The following KCNIP4 variants were observed in gnomAD, a reference collection of about 807,000 sequenced individuals.
The protein encoded by KCNIP4 is potassium voltage-gated channel interacting protein 4, also known as Kv channel-interacting protein 4.
Under a neutral mutation model 34.0 loss-of-function variants are expected in KCNIP4, and 12 were observed. The ratio of observed to expected loss-of-function variants is 0.35; its 90% CI spans 0.23 to 0.57. The LOEUF (loss-of-function observed/expected upper bound fraction) is 0.57, where lower values mean the gene tolerates loss of function less well. Among genes scored for constraint, KCNIP4 ranks in the 20% least tolerant of loss-of-function variants. KCNIP4 has a pLI of 0.83. For missense variants in KCNIP4, 238 were observed against 311.7 expected (o/e 0.76, Z 1.78); for synonymous variants, 124 against 102.2 (o/e 1.21, Z -1.29).
chr4:21,612,381 G>A (rs1353843377), intron 1 of KCNIP4, among the ~76,000 whole-genome samples: 1 of 152,214 alleles, frequency 6.6e-6, no homozygotes, highest in Non-Finnish European at 1.5e-5. Context: ...GGAGGCTGAG[G>A]CTTGGAAATC....
At chr4:21,437,418 A>G (rs1304003773) in intron 1 of KCNIP4, among the ~76,000 whole-genome samples, 2 of 152,232 alleles carry the variant, frequency 1.3e-5, no homozygotes, top group Non-Finnish European at 2.9e-5. Flanking sequence ...AGGAATTTCA[A>G]AAAGCAAGAC....
chr4:20,974,079 G>A (rs950578265), intron 1 of KCNIP4, among the ~76,000 whole-genome samples: 2 of 152,116 alleles, frequency 1.3e-5, no homozygotes, highest in African/African-American at 4.8e-5. Flanking sequence ...TGCTCAGCAG[G>A]GTTGCCACAA....
rs35316625 is a variant in KCNIP4 at position 20,930,981 on chromosome 4, A to T, written c.62-48272T>A. On this transcript the variant is annotated intron_variant, in intron 1 of 8. Transcript: ENST00000382152. Reference sequence around the variant, plus strand: ...TCCTAAAGAAATTAAAAAATAGACCAGCAATGACCCAACAATACCTTTTTT... The same window carrying T: ...TCCTAAAGAAATTAAAAAATAGACCTGCAATGACCCAACAATACCTTTTTT... Among the ~76,000 whole-genome samples the T allele has an allele frequency of 2.7e-4, 41 of 152,050 alleles. 2 individuals are homozygous for T. In the South Asian group the frequency reaches 8.5e-3, roughly 32 times the overall value.
chr4:21,770,904 T>C (rs1395384128), intron 1 of KCNIP4, among the ~76,000 whole-genome samples: 2 of 152,180 alleles, frequency 1.3e-5, no homozygotes, highest in Non-Finnish European at 2.9e-5. Flanking sequence ...GCCTGTTCCC[T>C]CTGATGATAG....
intron 1 of KCNIP4, among the ~76,000 whole-genome samples, chr4:21,123,384 T>TTTTTTGAA (rs1179158654): frequency 1.3e-5 from 2 of 152,156 alleles, no homozygotes; most frequent in Admixed American, 6.5e-5. Context: ...ATTTCAAAAT[T>TTTTTTGAA]ATCTTTTTCT....
chr4:21,165,636 A>G (rs1252583438), intron 1 of KCNIP4, among the ~76,000 whole-genome samples: 1 of 152,158 alleles, frequency 6.6e-6, no homozygotes, highest in Non-Finnish European at 1.5e-5. Flanking sequence ...GATTAGGCAA[A>G]GGTTTTCTAG....
intron 1 of KCNIP4, among the ~76,000 whole-genome samples, chr4:21,334,918 G>A (rs887676152): frequency 3.3e-5 from 5 of 152,020 alleles, no homozygotes; most frequent in African/African-American, 1.2e-4. Flanking sequence ...ACAGACTCTG[G>A]AGTTGTTTCT....
At chr4:21,680,841 T>C (rs1225054036) in intron 1 of KCNIP4, among the ~76,000 whole-genome samples, 1 of 152,186 alleles carries the variant, frequency 6.6e-6, no homozygotes, top group Non-Finnish European at 1.5e-5. Context: ...CATGATGTCA[T>C]CCAGGTTTGG....
chr4:21,828,053 TACTTC>T (rs1043656485), intron 1 of KCNIP4, among the ~76,000 whole-genome samples: 35 of 149,242 alleles, frequency 2.3e-4, no homozygotes, highest in African/African-American at 8.3e-4. Context: ...AGACCACAAA[TACTTC>T]ACTTCTTAGA....
chr4:21,723,575 G>C (rs2109099111), intron 1 of KCNIP4, among the ~76,000 whole-genome samples: 1 of 152,176 alleles, frequency 6.6e-6, no homozygotes, highest in South Asian at 2.1e-4. Context: ...GGTTAAAAAA[G>C]CACAAAGAAC....
At chr4:21,640,281 T>C (rs1746516432) in intron 1 of KCNIP4, among the ~76,000 whole-genome samples, 2 of 152,194 alleles carry the variant, frequency 1.3e-5, no homozygotes, top group Non-Finnish European at 2.9e-5. Flanking sequence ...CAGGATTCAA[T>C]TACTCCCATT....
intron 1 of KCNIP4, among the ~76,000 whole-genome samples, chr4:21,641,693 T>C (rs1450962632): frequency 1.3e-5 from 2 of 152,150 alleles, no homozygotes; most frequent in Non-Finnish European, 2.9e-5. Flanking sequence ...ATCACATAGA[T>C]AGGATGGCAT....
chr4:21,358,890 T>A (rs1381267575), intron 1 of KCNIP4, among the ~76,000 whole-genome samples: 13 of 152,140 alleles, frequency 8.5e-5, no homozygotes, highest in Admixed American at 8.5e-4. Flanking sequence ...GTCCTACCTT[T>A]GCTTCGAGTT....
At chr4:21,621,390 C>T (rs183879703) in intron 1 of KCNIP4, among the ~76,000 whole-genome samples, 1 of 152,266 alleles carries the variant, frequency 6.6e-6, no homozygotes, top group East Asian at 1.9e-4. Flanking sequence ...GAGATAGGGT[C>T]TTGCTCTATC....
chr4:21,476,025 A>G (rs1577424664), intron 1 of KCNIP4, among the ~76,000 whole-genome samples: 1 of 152,178 alleles, frequency 6.6e-6, no homozygotes. Flanking sequence ...TGCTTTTCAT[A>G]TGAAGACCCA....
At chr4:20,809,029 G>C (rs1245014647) in intron 3 of KCNIP4, among the ~76,000 whole-genome samples, 1 of 152,176 alleles carries the variant, frequency 6.6e-6, no homozygotes, top group African/African-American at 2.4e-5. Context: ...CCCAGTGATG[G>C]TGTGAGGACA....
intron 1 of KCNIP4, among the ~76,000 whole-genome samples, chr4:21,606,064 A>G (rs1236874464): frequency 6.6e-6 from 1 of 152,188 alleles, no homozygotes; most frequent in Non-Finnish European, 1.5e-5. Context: ...AGTACCCTGA[A>G]CAATCTTACT....
intron 1 of KCNIP4, chr4:21,656,580 T>C (rs989804064): frequency 5.3e-5 from 8 of 152,216 alleles, no homozygotes; most frequent in African/African-American, 1.7e-4. Context: ...TACAGCCTGT[T>C]TGGTGAATCT....
In KCNIP4 at chr4:20,854,901, C is replaced by T. The variant is rs150163259; in HGVS notation, c.164-4234G>A. ...TACTTTGCTTTGTGAATTATGTTTA[C>T]GCTATAATTTCTCAAAGATGTTTTA... On this transcript the variant is annotated intron_variant, in intron 2 of 8. Transcript: ENST00000382152. 3.6e-4 allele frequency among the ~76,000 whole-genome samples: 55 copies of T among 152,182 alleles called. 2 individuals carry two copies. Among genetic ancestry groups the T allele is most frequent in the East Asian group, 1.9e-3 (10 of 5,178 alleles).
Sources: gnomAD v4.1 joint callset for allele counts (sites outside exome capture counted in the v4.1 genomes callset) on GRCh38, gnomAD v4.1.1 for gene constraint, MANE v1.5 for transcripts, NCBI Gene and HGNC (gene_info 2026-07-23, HGNC 2026-07-21) for gene names.